The following KIF3B variants were observed in gnomAD, a reference collection of about 807,000 sequenced individuals.
KIF3B encodes kinesin family member 3B.
In KIF3B, 38 loss-of-function variants were observed where a neutral mutation model predicts 74.3. The observed-to-expected ratio is 0.51, with a 90% CI of 0.39 to 0.67. KIF3B has a LOEUF of 0.67. Among genes scored for constraint, KIF3B ranks in the 30% least tolerant of loss-of-function variants. The probability of loss-of-function intolerance (pLI) is 0.00; values close to 1 mark genes in which losing one functional copy is unlikely to be tolerated. For missense variants in KIF3B, 649 were observed against 932.0 expected, an observed-to-expected ratio of 0.70 and a Z score of 3.95; for synonymous variants, 326 against 342.5, an observed-to-expected ratio of 0.95 and a Z score of 0.53.
At chr20:32,323,134 TTACA>T (rs1238491210) in intron 5 of KIF3B, among the ~76,000 whole-genome samples, 1 of 70,592 alleles carries the variant, frequency 1.4e-5, no homozygotes, top group Admixed American at 1.8e-4. Context: ...ATTTATATAT[TTACA>T]TATATTTATA....
intron 1 of KIF3B, among the ~76,000 whole-genome samples, chr20:32,299,379 G>GTGTATATATATATATATATATATA (rs1187264463): frequency 5.6e-4 from 13 of 23,092 alleles, no homozygotes; most frequent in African/African-American, 1.4e-3. Flanking sequence ...TGGTGTGTGT[G>GTGTATATATATATATATATATATA]TATATATATA....
intron 5 of KIF3B, among the ~76,000 whole-genome samples, chr20:32,319,582 GTTTTTTTTTTT>G (rs34028388): frequency 8.7e-5 from 8 of 92,038 alleles, no homozygotes; most frequent in Admixed American, 6.8e-4. Context: ...TTTTGTTTTT[GTTTTTTTTTTT>G]TTTTTTTTTG....
At chr20:32,324,516 A>G (rs1357021935) in intron 5 of KIF3B, among the ~76,000 whole-genome samples, 1 of 152,124 alleles carries the variant, frequency 6.6e-6, no homozygotes, top group East Asian at 1.9e-4. Flanking sequence ...TTGGTCTCTC[A>G]TGAGGTCTGG....
At chr20:32,314,429 AC>A (rs1279419865) in intron 2 of KIF3B, among the ~76,000 whole-genome samples, 1 of 152,064 alleles carries the variant, frequency 6.6e-6, no homozygotes, top group Non-Finnish European at 1.5e-5. Flanking sequence ...AGTTCCAGCT[AC>A]TTGGGAGGCT....
chr20:32,322,246 G>A (rs1485621839), intron 5 of KIF3B, among the ~76,000 whole-genome samples: 2 of 151,598 alleles, frequency 1.3e-5, no homozygotes, highest in African/African-American at 2.4e-5. Context: ...TATACCTAAG[G>A]GTTTTTTGGG....
intron 7 of KIF3B, 113 bp from the exon 8 acceptor site, chr20:32,330,028 G>A: frequency 1.2e-6 from 1 of 859,930 alleles, no homozygotes; most frequent in South Asian, 2.3e-5. Context: ...TTTCTTGATA[G>A]GCCCTGAATA....
At position 32,309,770 on chromosome 20, in the gene KIF3B, A is replaced by T; in HGVS notation, c.-8A>T. The T allele has an allele frequency of 6.2e-7, 1 of 1,609,186 alleles. No homozygotes were observed. Among genetic ancestry groups the T allele is most frequent in the Non-Finnish European group, 8.5e-7 (1 of 1,177,252 alleles). The stretch of plus-strand genomic sequence containing the variant: ...ACTTCTCAAGATTTGACTGGATCAG[A>T]GTTCATCATGTCAAAGTTGAAAAGC... On this transcript the variant is annotated 5_prime_UTR_variant, in exon 2 of 9. Transcript: ENST00000375712.
Position 32,304,642 on chromosome 20 carries a change from C to G in KIF3B, c.-65-5071C>G, listed in dbSNP as rs1253314914. 6.5e-4 allele frequency among the ~76,000 whole-genome samples: 99 copies of G among 152,142 alleles called. 3 individuals are homozygous for G. Among genetic ancestry groups the G allele is most frequent in the Admixed American group, 6.2e-3 (95 of 15,262 alleles). ...TCTGTATTTACCGAAGGAATGAACT[C>G]CAAGGACACTGTTTATTATTGTATA... On this transcript the variant is annotated intron_variant, in intron 1 of 8. Coordinates refer to ENST00000375712, the MANE Select transcript of KIF3B (RefSeq NM_004798.4).
chr20:32,331,146 T>G, intron 8 of KIF3B, 77 bp from the exon 9 acceptor site: 10 of 1,045,962 alleles, frequency 9.6e-6, no homozygotes, highest in Non-Finnish European at 1.5e-5. Context: ...TGGCCTGAAA[T>G]GAAATGTTAA....
intron 5 of KIF3B, among the ~76,000 whole-genome samples, chr20:32,323,080 ATATATATTTATATT>A (rs1488602325): frequency 2.7e-5 from 3 of 109,242 alleles, no homozygotes; most frequent in Non-Finnish European, 5.2e-5. Flanking sequence ...TTATATATTT[ATATATATTTATATT>A]TATATATTTA....
intron 1 of KIF3B, among the ~76,000 whole-genome samples, chr20:32,286,940 T>C (rs1359349492): frequency 6.6e-6 from 1 of 152,230 alleles, no homozygotes; most frequent in Non-Finnish European, 1.5e-5. Context: ...CCTTAAATAA[T>C]GTTTTTAACA....
intron 1 of KIF3B, among the ~76,000 whole-genome samples, chr20:32,283,107 C>A (rs1480647620): frequency 6.6e-6 from 1 of 152,128 alleles, no homozygotes; most frequent in Non-Finnish European, 1.5e-5. Flanking sequence ...GTGATCATGG[C>A]TCCCCCACAG....
chr20:32,316,412 A>G (rs2047827833), intron 3 of KIF3B, 93 bp downstream of exon 3: 1 of 1,545,086 alleles, frequency 6.5e-7, no homozygotes, highest in South Asian at 1.1e-5. Flanking sequence ...CTTCAAAGAG[A>G]ATGAGAGCAA....
intron 1 of KIF3B, among the ~76,000 whole-genome samples, chr20:32,279,966 TTACCTCTGAAATGATGCTCAG>T (rs1227021206): frequency 6.6e-6 from 1 of 152,214 alleles, no homozygotes; most frequent in Non-Finnish European, 1.5e-5. Flanking sequence ...AGGTGCTACT[TTACCTCTGAAATGATGCTCAG>T]TACCTCTGAA....
In KIF3B at chr20:32,334,981, AAATC is replaced by A. The variant is rs770901164; in HGVS notation, c.*3668_*3671del. On this transcript the variant is annotated 3_prime_UTR_variant, in exon 9 of 9. Coordinates refer to ENST00000375712, the MANE Select transcript of KIF3B (RefSeq NM_004798.4). ...GATTCTAAACTAAGATGTGTAATAA[AAATC>A]AATCAGATTTATTGTACCTACAAAA... 3.9e-5 allele frequency: 6 copies of A among 152,658 alleles called. No homozygotes were observed. The highest frequency in any genetic ancestry group is 1.9e-4 in the East Asian group (1 of 5,198). The allele number at this position is 152,658 out of a possible 1,614,324, so 9.5% of individuals were successfully genotyped here. A position where few individuals can be genotyped will look rare whatever the true frequency, so the allele number is the denominator to read the frequency against.
chr20:32,290,642 G>A (rs548346991), intron 1 of KIF3B, among the ~76,000 whole-genome samples: 8 of 152,184 alleles, frequency 5.3e-5, no homozygotes, highest in Admixed American at 3.3e-4. Context: ...AGGCCAAGGC[G>A]GAAGGATTGC....
chr20:32,326,427 T>C (rs2047904050), intron 5 of KIF3B, among the ~76,000 whole-genome samples: 1 of 152,146 alleles, frequency 6.6e-6, no homozygotes, highest in African/African-American at 2.4e-5. Context: ...AGGTAGCAAA[T>C]GTTCACTCCA....
chr20:32,281,587 C>T (rs1260943692), intron 1 of KIF3B, among the ~76,000 whole-genome samples: 4 of 152,248 alleles, frequency 2.6e-5, no homozygotes, highest in Admixed American at 6.5e-5. Flanking sequence ...TGTGGTGGCA[C>T]GTGCCTGTAG....
intron 1 of KIF3B, among the ~76,000 whole-genome samples, chr20:32,305,483 C>G (rs1271634565): frequency 2.6e-5 from 4 of 151,854 alleles, no homozygotes. Flanking sequence ...CCATTTAATC[C>G]TTTCTTCTGC....
Sources: allele counts gnomAD v4.1 joint callset (sites outside exome capture counted in the v4.1 genomes callset), GRCh38; gene constraint gnomAD v4.1.1; transcripts MANE v1.5; gene names NCBI Gene and HGNC (gene_info 2026-07-23, HGNC 2026-07-21).